Variants in PTPRD observed in about 807,000 individuals in gnomAD.
PTPRD encodes protein tyrosine phosphatase receptor type D.
In PTPRD, 34 loss-of-function variants were observed where a neutral mutation model predicts 214.5. The observed-to-expected ratio is 0.16, with a 90% CI of 0.12 to 0.21. The LOEUF (loss-of-function observed/expected upper bound fraction) is 0.21, where lower values mean the gene tolerates loss of function less well. PTPRD is among the 10% of genes least tolerant of loss of function. PTPRD has a pLI of 1.00. For missense variants in PTPRD, 2,545 were observed against 2,398.7 expected, an observed-to-expected ratio of 1.06 and a Z score of -1.27; for synonymous variants, 1,128 against 845.7, an observed-to-expected ratio of 1.33 and a Z score of -5.79.
chr9:8,475,113 C>T (rs1301513256), intron 30 of PTPRD, among the ~76,000 whole-genome samples: 2 of 152,166 alleles, frequency 1.3e-5, no homozygotes, highest in Non-Finnish European at 2.9e-5. Flanking sequence ...GTTCCTGCTG[C>T]TCCCACTGCC....
chr9:9,113,243 A>T (rs891121470), intron 10 of PTPRD, among the ~76,000 whole-genome samples: 1 of 152,106 alleles, frequency 6.6e-6, no homozygotes, highest in Non-Finnish European at 1.5e-5. Context: ...CCGAGGTGCT[A>T]CAATTACAAG....
chr9:8,700,323 G>C (rs1328358643), intron 12 of PTPRD, among the ~76,000 whole-genome samples: 1 of 152,170 alleles, frequency 6.6e-6, no homozygotes, highest in African/African-American at 2.4e-5. Flanking sequence ...AGAGTAGTCA[G>C]CATAAAGGAA....
At chr9:9,592,120 T>C (rs2092793838) in intron 7 of PTPRD, among the ~76,000 whole-genome samples, 2 of 152,074 alleles carry the variant, frequency 1.3e-5, no homozygotes, top group African/African-American at 4.8e-5. Flanking sequence ...TCAAAATTAT[T>C]TAGCCATTGT....
intron 8 of PTPRD, among the ~76,000 whole-genome samples, chr9:9,497,300 T>C (rs917055161): frequency 6.6e-6 from 1 of 152,188 alleles, no homozygotes; most frequent in Non-Finnish European, 1.5e-5. Flanking sequence ...AATGAGATAG[T>C]AGTGGGAACT....
At chr9:9,180,147 C>T (rs58581189) in intron 10 of PTPRD, among the ~76,000 whole-genome samples, 30,305 of 151,254 alleles carry the variant, frequency 0.2, 3,252 homozygotes, top group African/African-American at 0.27. Context: ...CACATGCACA[C>T]GTATGTTTAT....
intron 2 of PTPRD, among the ~76,000 whole-genome samples, chr9:10,493,464 C>T (rs7868644): frequency 0.68 from 102,962 of 151,880 alleles, 37,011 homozygotes; most frequent in Middle Eastern, 0.84. Context: ...AACTATGTGA[C>T]CTTTGACAAA....
intron 3 of PTPRD, among the ~76,000 whole-genome samples, chr9:10,326,240 A>G (rs1480571615): frequency 6.6e-6 from 1 of 151,616 alleles, no homozygotes; most frequent in African/African-American, 2.4e-5. Context: ...AGGCTGTCAC[A>G]TAATTCAGGT....
At chr9:9,087,254 C>T (rs1591380383) in intron 10 of PTPRD, among the ~76,000 whole-genome samples, 1 of 152,078 alleles carries the variant, frequency 6.6e-6, no homozygotes. Flanking sequence ...GAGATTTGGT[C>T]CTTGGCCCTG....
intron 7 of PTPRD, among the ~76,000 whole-genome samples, chr9:9,590,303 T>C (rs1326467594): frequency 6.6e-6 from 1 of 152,044 alleles, no homozygotes; most frequent in Admixed American, 6.6e-5. Context: ...CTTTGCTCCC[T>C]TTACTAATAT....
At chr9:8,933,341 T>TTTTTTTTTTTTTG (rs1567089574) in intron 11 of PTPRD, among the ~76,000 whole-genome samples, 2 of 59,130 alleles carry the variant, frequency 3.4e-5, no homozygotes, top group African/African-American at 1.2e-4. Flanking sequence ...AACCTTGAGG[T>TTTTTTTTTTTTTG]TTTTTTTTTT....
chr9:8,410,137 C>A (rs2093397328), intron 35 of PTPRD, among the ~76,000 whole-genome samples: 1 of 152,126 alleles, frequency 6.6e-6, no homozygotes, highest in Admixed American at 6.6e-5. Flanking sequence ...AATATATGCC[C>A]ATTTGGAAAA....
At chr9:10,280,897 G>A (rs2095067134) in intron 3 of PTPRD, among the ~76,000 whole-genome samples, 1 of 152,064 alleles carries the variant, frequency 6.6e-6, no homozygotes, top group Non-Finnish European at 1.5e-5. Flanking sequence ...TTACAAGTGT[G>A]AGCCACATGC....
intron 9 of PTPRD, among the ~76,000 whole-genome samples, chr9:9,286,668 A>T (rs1197099683): frequency 6.6e-6 from 1 of 150,728 alleles, no homozygotes; most frequent in Non-Finnish European, 1.5e-5. Flanking sequence ...CCTTTTTTGC[A>T]ATCCATTGGC....
rs144269761 is a variant in PTPRD at position 10,011,948 on chromosome 9, G to C, written c.-472+21770C>G. ...TGTGTCTGGCCAGTGGTATTGTTTT[G>C]GCCTTTGTATGTTCCGGAAACTCGC... On this transcript the variant is annotated intron_variant, in intron 4 of 45. Transcript: ENST00000381196. 5.6e-3 allele frequency among the ~76,000 whole-genome samples: 857 copies of C among 151,826 alleles called. 4 individuals carry two copies. The highest frequency in any genetic ancestry group is 8.9e-3 in the Non-Finnish European group (607 of 67,856).
intron 14 of PTPRD, among the ~76,000 whole-genome samples, chr9:8,621,737 G>C (rs1162153466): frequency 1.3e-5 from 2 of 151,788 alleles, no homozygotes; most frequent in African/African-American, 4.8e-5. Context: ...CTTGATGTCA[G>C]TTTATAACAA....
chr9:10,023,998 C>T (rs1368701337), intron 4 of PTPRD, among the ~76,000 whole-genome samples: 1 of 151,732 alleles, frequency 6.6e-6, no homozygotes, highest in Non-Finnish European at 1.5e-5. Context: ...AATTAAATAG[C>T]TTATTATTTC....
intron 39 of PTPRD, among the ~76,000 whole-genome samples, chr9:8,344,728 G>T (rs1320353548): frequency 1.3e-5 from 2 of 151,978 alleles, no homozygotes; most frequent in Admixed American, 1.3e-4. Context: ...GCAAGACCTT[G>T]AGGCTTAAGG....
At chr9:9,960,598 A>C (rs2094294582) in intron 4 of PTPRD, among the ~76,000 whole-genome samples, 1 of 152,010 alleles carries the variant, frequency 6.6e-6, no homozygotes, top group South Asian at 2.1e-4. Context: ...ATGGTACTTG[A>C]CCTCTGTGGT....
intron 10 of PTPRD, among the ~76,000 whole-genome samples, chr9:9,136,529 G>A (rs1457955825): frequency 6.6e-6 from 1 of 151,820 alleles, no homozygotes; most frequent in East Asian, 1.9e-4. Flanking sequence ...CTAGAAAAAA[G>A]GTTAAAAAGA....
Sources: allele counts gnomAD v4.1 joint callset (sites outside exome capture counted in the v4.1 genomes callset), GRCh38; gene constraint gnomAD v4.1.1; transcripts MANE v1.5; gene names NCBI Gene and HGNC (gene_info 2026-07-23, HGNC 2026-07-21).